Variants in SLIT2 observed in about 807,000 individuals in gnomAD.
The protein encoded by SLIT2 is slit homolog 2 protein.
SLIT2 carries 41 observed loss-of-function variants against 185.7 expected under a neutral mutation model. The ratio of observed to expected loss-of-function variants is 0.22; its 90% CI spans 0.17 to 0.29. SLIT2 has a LOEUF of 0.29. Ranked by LOEUF, SLIT2 falls within the 10% of genes least tolerant of loss-of-function variation. SLIT2 has a pLI of 1.00. For missense variants in SLIT2, 1,571 were observed against 1,909.0 expected (o/e 0.82, Z 3.30); for synonymous variants, 693 against 680.2 (o/e 1.02, Z -0.29).
chr4:20,603,669 C>CTAG (rs1728575545), intron 33 of SLIT2, among the ~76,000 whole-genome samples: 1 of 152,142 alleles, frequency 6.6e-6, no homozygotes, highest in South Asian at 2.1e-4. Context: ...GACCACCTTA[C>CTAG]TAGTGTACAG....
At chr4:20,495,154 G>T (rs574879390) in intron 9 of SLIT2, among the ~76,000 whole-genome samples, 1 of 152,310 alleles carries the variant, frequency 6.6e-6, no homozygotes, top group South Asian at 2.1e-4. Context: ...GTAAAGAAAA[G>T]AAGTATTGAT....
At chr4:20,400,250 T>G (rs1726235759) in intron 4 of SLIT2, among the ~76,000 whole-genome samples, 1 of 151,700 alleles carries the variant, frequency 6.6e-6, no homozygotes, top group African/African-American at 2.4e-5. Context: ...ATGGGGAAGA[T>G]TAATTGAATG....
chr4:20,327,967 C>T (rs1719740490), intron 4 of SLIT2, among the ~76,000 whole-genome samples: 1 of 151,936 alleles, frequency 6.6e-6, no homozygotes, highest in Non-Finnish European at 1.5e-5. Flanking sequence ...GAACATGATG[C>T]CTTTGGCTTT....
chr4:20,343,195 A>C (rs1721106956), intron 4 of SLIT2, among the ~76,000 whole-genome samples: 1 of 152,096 alleles, frequency 6.6e-6, no homozygotes, highest in Non-Finnish European at 1.5e-5. Flanking sequence ...CCCATTAACC[A>C]GCCTCTCTCT....
chr4:20,591,273 G>A (rs1727495018), intron 30 of SLIT2, among the ~76,000 whole-genome samples: 1 of 152,148 alleles, frequency 6.6e-6, no homozygotes, highest in African/African-American at 2.4e-5. Context: ...ATTTGAGCTG[G>A]ATTGCTAAGA....
intron 29 of SLIT2, among the ~76,000 whole-genome samples, chr4:20,585,840 AACTC>A (rs1160195497): frequency 6.6e-6 from 1 of 152,168 alleles, no homozygotes; most frequent in Non-Finnish European, 1.5e-5. Flanking sequence ...TTTTTCCACT[AACTC>A]AGTACTAGCT....
At position 20,252,439 on chromosome 4, in the gene SLIT2, C is replaced by T. The variant is rs993112897; in HGVS notation, c.-1377C>T. ...GAGAAGGACTACCCGGGACTGCGGC[C>T]GCCGCGTCAGGTGCAGCGCCAGGAG... On this transcript the variant is annotated 5_prime_UTR_variant, in exon 1 of 37. Coordinates refer to ENST00000504154, the MANE Select transcript of SLIT2 (RefSeq NM_004787.4). Among the ~76,000 whole-genome samples the T allele has an allele frequency of 6.6e-6, 1 of 152,212 alleles. No individual in the cohort carries two copies. The highest frequency in any genetic ancestry group is 1.5e-5 in the Non-Finnish European group (1 of 68,040).
intron 4 of SLIT2, among the ~76,000 whole-genome samples, chr4:20,416,577 T>TG (rs2109446813): frequency 6.6e-6 from 1 of 151,358 alleles, no homozygotes; most frequent in South Asian, 2.1e-4. Flanking sequence ...TATTTTTAAA[T>TG]GAAAAAAAAA....
At chr4:20,520,525 T>C (rs2148843949) in intron 12 of SLIT2, among the ~76,000 whole-genome samples, 1 of 152,312 alleles carries the variant, frequency 6.6e-6, no homozygotes, top group Middle Eastern at 3.4e-3. Flanking sequence ...CTGGAGTGTA[T>C]TTATTTCTTG....
chr4:20,364,044 G>A (rs551227794), intron 4 of SLIT2, among the ~76,000 whole-genome samples: 71 of 152,184 alleles, frequency 4.7e-4, no homozygotes, highest in African/African-American at 1.7e-3. Context: ...AAATCAGAAA[G>A]GCCATCTACA....
intron 25 of SLIT2, among the ~76,000 whole-genome samples, chr4:20,551,343 A>T (rs1723731946): frequency 6.6e-6 from 1 of 152,214 alleles, no homozygotes; most frequent in African/African-American, 2.4e-5. Context: ...CCACACAAAA[A>T]TAAATTCAAC....
intron 4 of SLIT2, among the ~76,000 whole-genome samples, chr4:20,301,167 GA>G (rs370843207): frequency 5.9e-5 from 9 of 152,180 alleles, no homozygotes; most frequent in African/African-American, 2.2e-4. Context: ...AATCAAATAA[GA>G]TATTGAAGAG....
chr4:20,417,432 G>GTGTGTATATATATATATATATATA (rs1727769162), intron 4 of SLIT2, among the ~76,000 whole-genome samples: 1 of 96,660 alleles, frequency 1.0e-5, no homozygotes, highest in African/African-American at 3.4e-5. Context: ...ATATATGTGT[G>GTGTGTATATATATATATATATATA]TGTGTATATA....
intron 4 of SLIT2, among the ~76,000 whole-genome samples, chr4:20,374,420 T>G (rs924724412): frequency 6.6e-6 from 1 of 152,106 alleles, no homozygotes; most frequent in Non-Finnish European, 1.5e-5. Flanking sequence ...CTGCTTTTTG[T>G]GTTTGGACTT....
At position 20,484,492 on chromosome 4, in the gene SLIT2, A is replaced by G. The variant is rs1294428584; in HGVS notation, c.540-1708A>G. Among the ~76,000 whole-genome samples the G allele has an allele frequency of 2.6e-5, 4 of 152,148 alleles. No homozygotes were observed. Among genetic ancestry groups the G allele is most frequent in the African/African-American group, 4.8e-5 (2 of 41,456 alleles). ...TCAAATGACTTAGAATAGTTCTTAT[A>G]TAATTCAATACATTGCAAAACAAGG... On this transcript the variant is annotated intron_variant, in intron 6 of 36. Coordinates refer to ENST00000504154, the MANE Select transcript of SLIT2 (RefSeq NM_004787.4). The surrounding 1 kb of genome is among the most constrained non-coding windows in gnomAD (Gnocchi z 4.3).
Position 20,317,942 on chromosome 4 carries a change from T to A in SLIT2, c.395+49061T>A, listed in dbSNP as rs549345249. Among the ~76,000 whole-genome samples the A allele has an allele frequency of 2.6e-5, 4 of 152,266 alleles. No individual in the cohort carries two copies. In the South Asian group the frequency reaches 8.3e-4, roughly 32 times the overall value. ...AAGGATTTCTGTTGGATTTCTAGCC[T>A]TATAGAAGAAACATTTTCCAAAATG... On this transcript the variant is annotated intron_variant, in intron 4 of 36. Coordinates refer to ENST00000504154, the MANE Select transcript of SLIT2 (RefSeq NM_004787.4).
chr4:20,470,902 A>G (rs1219081267), intron 5 of SLIT2, among the ~76,000 whole-genome samples: 1 of 152,146 alleles, frequency 6.6e-6, no homozygotes, highest in Admixed American at 6.5e-5. Flanking sequence ...TGTCTTGAAT[A>G]GCCGCAGTGG....
chr4:20,319,919 T>G (rs1718917218), intron 4 of SLIT2, among the ~76,000 whole-genome samples: 1 of 152,088 alleles, frequency 6.6e-6, no homozygotes. Context: ...ATGTTTCTTG[T>G]CTCTCAGCAA....
At chr4:20,501,898 T>C (rs1177587803) in intron 9 of SLIT2, among the ~76,000 whole-genome samples, 1 of 152,220 alleles carries the variant, frequency 6.6e-6, no homozygotes, top group Non-Finnish European at 1.5e-5. Flanking sequence ...AAAGGCTTCA[T>C]ATATCCACTA....
Sources: gnomAD v4.1 joint callset for allele counts (sites outside exome capture counted in the v4.1 genomes callset) on GRCh38, gnomAD v4.1.1 for gene constraint, Gnocchi (gnomAD v3.1) non-coding constraint, MANE v1.5 for transcripts, NCBI Gene and HGNC (gene_info 2026-07-23, HGNC 2026-07-21) for gene names.